The following ARPC5 variants were observed in gnomAD, a reference collection of about 807,000 sequenced individuals.
The protein encoded by ARPC5 is actin-related protein 2/3 complex subunit 5.
A neutral mutation model predicts 15.4 loss-of-function variants in ARPC5; 5 were observed. The ratio of observed to expected loss-of-function variants is 0.32; its 90% CI spans 0.17 to 0.68. The LOEUF is 0.68. Among genes scored for constraint, ARPC5 ranks in the 30% least tolerant of loss-of-function variants. ARPC5 has a pLI of 0.71. For missense variants in ARPC5, 138 were observed against 192.8 expected (o/e 0.72, Z 1.68); for synonymous variants, 85 against 72.2 (o/e 1.18, Z -0.90).
At chr1:183,629,215 A>T (rs4652822) in intron 3 of ARPC5, among the ~76,000 whole-genome samples, 42,562 of 152,144 alleles carry the variant, frequency 0.28, 6,702 homozygotes, top group Middle Eastern at 0.38. Context: ...AAGTCCTTTG[A>T]AGAATATGTG....
intron 1 of ARPC5, among the ~76,000 whole-genome samples, chr1:183,635,285 G>A (rs541091681): frequency 6.6e-6 from 1 of 152,346 alleles, no homozygotes; most frequent in Admixed American, 6.5e-5. Flanking sequence ...AAGGCGCGCG[G>A]GGGAGGGCAG....
At position 183,625,548 on chromosome 1, in the gene ARPC5, T is replaced by A. The variant is rs1649072546; in HGVS notation, c.*1984A>T. 6.6e-6 allele frequency: 1 copy of A among 152,204 alleles called. No individual in the cohort carries two copies. The highest frequency in any genetic ancestry group is 2.4e-5 in the African/African-American group (1 of 41,458). 9.4% of individuals were successfully genotyped at this position (152,204 alleles called of 1,614,324 possible). On this transcript the variant is annotated 3_prime_UTR_variant, in exon 4 of 4. Coordinates refer to ENST00000359856, the MANE Select transcript of ARPC5 (RefSeq NM_005717.4). ...TATGCTATACCTACTTGACTACCTC[T>A]AATACCTATTGGCTAAGGCACAGTG...
At chr1:183,633,556 T>G (rs1309196338) in intron 1 of ARPC5, 1 of 153,394 alleles carries the variant, frequency 6.5e-6, no homozygotes, top group Non-Finnish European at 1.5e-5. Flanking sequence ...TGATTCTAAT[T>G]GAAAAAATAA....
intron 1 of ARPC5, among the ~76,000 whole-genome samples, chr1:183,634,511 A>G (rs574035246): frequency 5.3e-5 from 8 of 152,296 alleles, no homozygotes; most frequent in African/African-American, 1.9e-4. Flanking sequence ...AGTGTCTGAG[A>G]TTTTCTAAAA....
At chr1:183,633,022 G>T in intron 2 of ARPC5, 60 bp downstream of exon 2, 2 of 1,296,688 alleles carry the variant, frequency 1.5e-6, no homozygotes, top group South Asian at 1.4e-5. Context: ...TGCAACTGCA[G>T]AGGATTTTAC....
intron 1 of ARPC5, among the ~76,000 whole-genome samples, chr1:183,634,251 G>A (rs1649354391): frequency 6.6e-6 from 1 of 152,182 alleles, no homozygotes; most frequent in South Asian, 2.1e-4. Flanking sequence ...ATGTAGATTA[G>A]CTCATTTTTT....
intron 3 of ARPC5, 42 bp from the exon 4 acceptor site, chr1:183,627,636 A>C: frequency 6.7e-7 from 1 of 1,493,870 alleles, no homozygotes; most frequent in Admixed American, 1.7e-5. Flanking sequence ...GAATAATAAA[A>C]GGTCAATTCT....
At position 183,623,267 on chromosome 1, in the gene ARPC5, A is replaced by G; in HGVS notation, c.*4265T>C. On this transcript the variant is annotated 3_prime_UTR_variant, in exon 4 of 4. Coordinates refer to ENST00000359856, the MANE Select transcript of ARPC5 (RefSeq NM_005717.4). ...AGAGAGAAATAAGAGATGTAAACAT[A>G]GATTATTTATGTTGATTACTCTTAC... The G allele has an allele frequency of 1.4e-6, 1 of 695,008 alleles. No homozygotes were observed. The highest frequency in any genetic ancestry group is 2.4e-6 in the Non-Finnish European group (1 of 412,916). 43.1% of individuals were successfully genotyped at this position (695,008 alleles called of 1,614,324 possible). A position where few individuals can be genotyped will look rare whatever the true frequency, so the allele number is the denominator to read the frequency against.
chr1:183,632,096 T>A (rs1052375205), intron 2 of ARPC5: 9 of 149,448 alleles, frequency 6.0e-5, no homozygotes, highest in Non-Finnish European at 1.3e-4. Context: ...TAAAAAATTA[T>A]GTTACCTAGA....
chr1:183,634,618 A>C (rs1242797106), intron 1 of ARPC5, among the ~76,000 whole-genome samples: 4 of 152,272 alleles, frequency 2.6e-5, no homozygotes, highest in Admixed American at 2.6e-4. Flanking sequence ...ATGCAAAAAC[A>C]GAAACCGGGA....
In ARPC5 at chr1:183,624,725, T is replaced by C. The variant is rs538291507; in HGVS notation, c.*2807A>G. The C allele has an allele frequency of 6.6e-6, 1 of 152,356 alleles. No individual in the cohort carries two copies. The highest frequency in any genetic ancestry group is 2.1e-4 in the South Asian group (1 of 4,826). 9.4% of individuals were successfully genotyped at this position (152,356 alleles called of 1,614,324 possible). On this transcript the variant is annotated 3_prime_UTR_variant, in exon 4 of 4. Transcript: ENST00000359856. ...CCCTGATTTTGTTGTTCTCCCAACATTGACTAACTGCATTTACAGTCAAAT... is the reference window on the plus strand; with the variant it reads ...CCCTGATTTTGTTGTTCTCCCAACACTGACTAACTGCATTTACAGTCAAAT...
chr1:183,627,671 A>G, intron 3 of ARPC5, 77 bp from the exon 4 acceptor site: 1 of 1,265,406 alleles, frequency 7.9e-7, no homozygotes, highest in Non-Finnish European at 1.2e-6. Context: ...CATTTTTCTT[A>G]AAGAAGGAAT....
intron 3 of ARPC5, 184 bp downstream of exon 3, chr1:183,630,277 T>C: frequency 2.3e-6 from 1 of 435,968 alleles, no homozygotes; most frequent in East Asian, 3.5e-5. Flanking sequence ...ACACAAGTGT[T>C]GGAATCAGAA....
At chr1:183,632,850 C>G in intron 2 of ARPC5, 2 of 358,320 alleles carry the variant, frequency 5.6e-6, no homozygotes, top group Non-Finnish European at 5.0e-6. Flanking sequence ...AAAACACACA[C>G]AAATGATTTC....
chr1:183,629,961 T>A (rs755794730), intron 3 of ARPC5, among the ~76,000 whole-genome samples: 2 of 152,228 alleles, frequency 1.3e-5, no homozygotes, highest in African/African-American at 2.4e-5. Context: ...CCTAGATTAT[T>A]TCATATAAGT....
In ARPC5 at chr1:183,622,759, T is replaced by A. The variant is rs1011764470; in HGVS notation, c.*4773A>T. 1 of 152,412 alleles carries A rather than the reference T, an allele frequency of 6.6e-6. No homozygotes were observed. Among genetic ancestry groups the A allele is most frequent in the East Asian group, 1.9e-4 (1 of 5,208 alleles). 9.4% of individuals were successfully genotyped at this position (152,412 alleles called of 1,614,324 possible). A position where few individuals can be genotyped will look rare whatever the true frequency, so the allele number is the denominator to read the frequency against. ...CTATAGGGGCTGCACGTGGTACTCA[T>A]GGTGGCTCTGATTTCCACCTAAGGC... is the stretch of plus-strand genomic sequence containing the variant. On this transcript the variant is annotated 3_prime_UTR_variant, in exon 4 of 4. Coordinates refer to ENST00000359856, the MANE Select transcript of ARPC5 (RefSeq NM_005717.4).
rs371421898 is a variant in ARPC5 at position 183,635,569 on chromosome 1, C to T, written c.91G>A (p.Gly31Ser). The T allele has an allele frequency of 7.4e-6, 12 of 1,613,500 alleles. No homozygotes were observed. The highest frequency in any genetic ancestry group is 1.1e-5 in the South Asian group (1 of 91,020). The part of the protein sequence containing the change: ...ENKFVDEEDG[G>S]DGQAGPDEGE... ...TCGTCGGGCCCGGCCTGGCCGTCGC[C>T]CCCATCTTCTTCGTCCACGAACTTG... Residue 31 changes from glycine (G) to serine (S), a missense_variant, in exon 1 of 4, where the codon GGC becomes AGC. Coordinates refer to ENST00000359856, the MANE Select transcript of ARPC5 (RefSeq NM_005717.4).
chr1:183,625,551 T>TTTA lies in ARPC5; in HGVS notation c.*1980_*1981insTAA, dbSNP rs1649072670. Reference sequence around the variant, plus strand: ...GCTATACCTACTTGACTACCTCTAATACCTATTGGCTAAGGCACAGTGGCA... The same window carrying TTTA: ...GCTATACCTACTTGACTACCTCTAATTTAACCTATTGGCTAAGGCACAGTGGCA... On this transcript the variant is annotated 3_prime_UTR_variant, in exon 4 of 4. Transcript: ENST00000359856. The TTTA allele has an allele frequency of 6.6e-6, 1 of 152,214 alleles. No homozygotes were observed. The highest frequency in any genetic ancestry group is 6.5e-5 in the Admixed American group (1 of 15,286). 9.4% of individuals were successfully genotyped at this position (152,214 alleles called of 1,614,324 possible). A position where few individuals can be genotyped will look rare whatever the true frequency, so the allele number is the denominator to read the frequency against.
chr1:183,629,920 A>G (rs1446495473), intron 3 of ARPC5, among the ~76,000 whole-genome samples: 1 of 152,182 alleles, frequency 6.6e-6, no homozygotes, highest in Non-Finnish European at 1.5e-5. Context: ...AGTAACCTCT[A>G]AGGACTTTCT....
Sources: gnomAD v4.1 joint callset for allele counts (sites outside exome capture counted in the v4.1 genomes callset) on GRCh38, gnomAD v4.1.1 for gene constraint, MANE v1.5 for transcripts, NCBI Gene and HGNC (gene_info 2026-07-23, HGNC 2026-07-21) for gene names.